SEMA6D: variants seen among roughly 807,000 people sequenced by gnomAD.
The protein encoded by SEMA6D is semaphorin-6D.
A neutral mutation model predicts 106.6 loss-of-function variants in SEMA6D; 35 were observed. The observed-to-expected ratio is 0.33, with a 90% CI of 0.25 to 0.44. The LOEUF is 0.44. Among genes scored for constraint, SEMA6D ranks in the 20% least tolerant of loss-of-function variants. SEMA6D has a pLI of 1.00. For missense variants in SEMA6D, 1,185 were observed against 1,345.9 expected, an observed-to-expected ratio of 0.88 and a Z score of 1.87; for synonymous variants, 499 against 487.7, an observed-to-expected ratio of 1.02 and a Z score of -0.31.
At chr15:47,477,149 T>C (rs1038346513) in intron 3 of SEMA6D, among the ~76,000 whole-genome samples, 2 of 152,180 alleles carry the variant, frequency 1.3e-5, no homozygotes, top group Non-Finnish European at 2.9e-5. Context: ...CTGAAATTAA[T>C]TGCGTAGCAC....
chr15:47,297,290 A>T (rs531664262), intron 1 of SEMA6D, among the ~76,000 whole-genome samples: 1 of 152,330 alleles, frequency 6.6e-6, no homozygotes, highest in African/African-American at 2.4e-5. Context: ...TTCGACTACA[A>T]ATGTCTGTTA....
intron 1 of SEMA6D, among the ~76,000 whole-genome samples, chr15:47,334,015 G>T (rs785458): frequency 0.32 from 48,673 of 151,768 alleles, 9,337 homozygotes; most frequent in East Asian, 0.55. Context: ...GGCCAAGAAA[G>T]ATCTGAACAG....
chr15:47,494,741 GATATATATAT>G (rs202139404), intron 3 of SEMA6D, among the ~76,000 whole-genome samples: 437 of 32,970 alleles, frequency 0.013, 9 homozygotes, highest in African/African-American at 0.02. Context: ...GTGGGATGGA[GATATATATAT>G]ATATATATAT....
intron 3 of SEMA6D, among the ~76,000 whole-genome samples, chr15:47,552,844 ATATATATAAATATATATATATTTT>A (rs1344831599): frequency 5.4e-5 from 4 of 74,436 alleles, no homozygotes; most frequent in African/African-American, 3.4e-4. Context: ...ATATATATAA[ATATATATAAATATATATATATTTT>A]TATATATATA....
intron 1 of SEMA6D, among the ~76,000 whole-genome samples, chr15:47,251,115 A>G (rs2033488704): frequency 6.6e-6 from 1 of 152,176 alleles, no homozygotes; most frequent in Admixed American, 6.5e-5. Context: ...AACCCCCAAT[A>G]CAAGAAAAAT....
chr15:47,460,368 G>A (rs1210163433), intron 2 of SEMA6D, among the ~76,000 whole-genome samples: 1 of 152,070 alleles, frequency 6.6e-6, no homozygotes, highest in Non-Finnish European at 1.5e-5. Context: ...ATCATTGCAA[G>A]CAGTGATCAA....
At chr15:47,765,726 A>C in intron 13 of SEMA6D, 143 bp from the exon 14 acceptor site, 1 of 746,946 alleles carries the variant, frequency 1.3e-6, no homozygotes. Context: ...GATGAATCAC[A>C]TAATTATTAT....
At chr15:47,491,665 A>G (rs1458197240) in intron 3 of SEMA6D, among the ~76,000 whole-genome samples, 1 of 152,154 alleles carries the variant, frequency 6.6e-6, no homozygotes, top group Admixed American at 6.5e-5. Flanking sequence ...AAATAAGGTA[A>G]AAGAGAGCTA....
rs574281129 is a variant in SEMA6D, at chr15:47,766,317, C to T, written c.1646+135C>T. 14 of 752,050 alleles carry T rather than the reference C, an allele frequency of 1.9e-5. No homozygotes were observed. The South Asian group carries it at 2.2e-4, about 12-fold the overall frequency. The allele number at this position is 752,050 out of a possible 1,614,324, so 46.6% of individuals were successfully genotyped here. A position where few individuals can be genotyped will look rare whatever the true frequency, so the allele number is the denominator to read the frequency against. The stretch of plus-strand genomic sequence containing the variant: ...TATGGGAGAAACAGGAAAACGAAAA[C>T]CAGGAGACGTGACAAGGAAGGGAAT... On this transcript the variant is annotated intron_variant, in intron 15 of 18. Transcript: ENST00000536845.
intron 1 of SEMA6D, among the ~76,000 whole-genome samples, chr15:47,345,647 C>G (rs1595781626): frequency 6.6e-6 from 1 of 152,030 alleles, no homozygotes; most frequent in Non-Finnish European, 1.5e-5. Flanking sequence ...TTGAGTTAAG[C>G]AAAGATTTCT....
At chr15:47,492,459 G>C (rs1324034564) in intron 3 of SEMA6D, among the ~76,000 whole-genome samples, 6 of 152,138 alleles carry the variant, frequency 3.9e-5, no homozygotes, top group African/African-American at 1.4e-4. Flanking sequence ...GCTTGTCCCA[G>C]CTCTTTGAAC....
chr15:47,354,669 G>A (rs2038492754), intron 1 of SEMA6D, among the ~76,000 whole-genome samples: 1 of 151,764 alleles, frequency 6.6e-6, no homozygotes, highest in Non-Finnish European at 1.5e-5. Flanking sequence ...CAATGAGGAG[G>A]GGTTAGTGTG....
rs1445257690 is a variant in SEMA6D at position 47,332,299 on chromosome 15, C to G, written c.-238-80094C>G. On this transcript the variant is annotated intron_variant, in intron 1 of 19. Coordinates refer to the SEMA6D transcript ENST00000558014. ...GAGTGGAGATCAGAAAATGCTTGCA[C>G]AATTGAAGAAATACTCAGGTTTCCA... Among the ~76,000 whole-genome samples the G allele has an allele frequency of 2.6e-5, 4 of 152,216 alleles. No homozygotes were observed. In the East Asian group the frequency reaches 5.8e-4, roughly 22 times the overall value.
intron 1 of SEMA6D, among the ~76,000 whole-genome samples, chr15:47,194,848 C>A (rs1894225044): frequency 6.6e-6 from 1 of 152,072 alleles, no homozygotes; most frequent in African/African-American, 2.4e-5. Flanking sequence ...TGCTTTTTAT[C>A]ATAAAAGTAT....
intron 4 of SEMA6D, among the ~76,000 whole-genome samples, chr15:47,615,326 G>A (rs1248095743): frequency 6.6e-6 from 1 of 152,138 alleles, no homozygotes; most frequent in Non-Finnish European, 1.5e-5. Flanking sequence ...CAAATACTCT[G>A]CCATATTATA....
chr15:47,420,323 A>T (rs1205122253), intron 2 of SEMA6D, among the ~76,000 whole-genome samples: 1 of 152,096 alleles, frequency 6.6e-6, no homozygotes, highest in Non-Finnish European at 1.5e-5. Context: ...CATTTAAAGC[A>T]TTCTTTTGTG....
chr15:47,321,058 A>G (rs1008232015), intron 1 of SEMA6D, among the ~76,000 whole-genome samples: 4 of 152,128 alleles, frequency 2.6e-5, no homozygotes, highest in African/African-American at 9.7e-5. Flanking sequence ...TTTTCCCTCT[A>G]TGTAAGCTAC....
intron 3 of SEMA6D, among the ~76,000 whole-genome samples, chr15:47,482,128 A>G (rs1401536703): frequency 1.3e-5 from 2 of 152,206 alleles, no homozygotes; most frequent in Non-Finnish European, 2.9e-5. Context: ...AAGGAAGGTC[A>G]GTAATTGATC....
At chr15:47,202,733 G>A (rs948824957) in intron 1 of SEMA6D, among the ~76,000 whole-genome samples, 4 of 152,034 alleles carry the variant, frequency 2.6e-5, no homozygotes, top group East Asian at 3.9e-4. Flanking sequence ...AAAACTTGCC[G>A]CAGTTTCTCT....
Sources: gnomAD v4.1 joint callset for allele counts (sites outside exome capture counted in the v4.1 genomes callset) on GRCh38, gnomAD v4.1.1 for gene constraint, MANE v1.5 for transcripts, NCBI Gene and HGNC (gene_info 2026-07-23, HGNC 2026-07-21) for gene names.